GRIA4: variants seen among roughly 807,000 people sequenced by gnomAD.
The protein encoded by GRIA4 is glutamate ionotropic receptor AMPA type subunit 4.
A neutral mutation model predicts 104.0 loss-of-function variants in GRIA4; 34 were observed. That is an observed-to-expected ratio of 0.33 (90% confidence interval 0.25 to 0.44). The LOEUF is 0.44. Ranked by LOEUF, GRIA4 falls within the 20% of genes least tolerant of loss-of-function variation. GRIA4 has a pLI of 1.00. For missense variants in GRIA4, 750 were observed against 1,096.5 expected (o/e 0.68, Z 4.46); for synonymous variants, 386 against 381.9 (o/e 1.01, Z -0.13).
intron 3 of GRIA4, among the ~76,000 whole-genome samples, chr11:105,746,658 T>C (rs967582241): frequency 7.9e-5 from 12 of 152,148 alleles, no homozygotes; most frequent in Admixed American, 3.3e-4. Context: ...CCATAGATTA[T>C]GGATTCTATA....
intron 4 of GRIA4, among the ~76,000 whole-genome samples, chr11:105,807,304 G>A (rs1011919996): frequency 2.0e-5 from 3 of 151,500 alleles, no homozygotes; most frequent in Admixed American, 2.0e-4. Context: ...AATGAAAGAG[G>A]GTAAACAGAT....
At chr11:105,893,930 G>T (rs187030804) in intron 6 of GRIA4, among the ~76,000 whole-genome samples, 9 of 152,158 alleles carry the variant, frequency 5.9e-5, no homozygotes, top group African/African-American at 1.9e-4. Flanking sequence ...AGAAACATAG[G>T]TTTACTTTCT....
intron 14 of GRIA4, among the ~76,000 whole-genome samples, chr11:105,942,666 C>CTAA (rs1007353660): frequency 2.0e-4 from 31 of 152,162 alleles, no homozygotes; most frequent in African/African-American, 7.5e-4. Flanking sequence ...CATAGATTCA[C>CTAA]TCTGAAAACT....
chr11:105,621,721 C>A (rs1378758300), intron 3 of GRIA4, among the ~76,000 whole-genome samples: 1 of 151,668 alleles, frequency 6.6e-6, no homozygotes, highest in Non-Finnish European at 1.5e-5. Flanking sequence ...AAGATCAGTT[C>A]CTGGAGGTAA....
At chr11:105,913,064 C>A in intron 10 of GRIA4, 3 of 865,792 alleles carry the variant, frequency 3.5e-6, no homozygotes, top group Non-Finnish European at 4.2e-6. Flanking sequence ...TGTTGATACA[C>A]TGTAACACTA....
chr11:105,706,042 G>A (rs1440591138), intron 3 of GRIA4, among the ~76,000 whole-genome samples: 2 of 152,154 alleles, frequency 1.3e-5, no homozygotes, highest in Non-Finnish European at 2.9e-5. Flanking sequence ...CATCCACACA[G>A]TGCAGTACTA....
intron 14 of GRIA4, 59 bp downstream of exon 14, chr11:105,934,028 TG>T: frequency 7.4e-7 from 1 of 1,354,002 alleles, no homozygotes; most frequent in African/African-American, 1.4e-5. Flanking sequence ...CCTTCCCTGA[TG>T]TGCCTGAGAG....
rs185919306 is a variant in GRIA4, at chr11:105,618,916, G to A, written c.247+6482G>A. On this transcript the variant is annotated intron_variant, in intron 3 of 16. Coordinates refer to ENST00000282499, the MANE Select transcript of GRIA4 (RefSeq NM_000829.4). The stretch of plus-strand genomic sequence containing the variant: ...GAATTCAGAGGAAAATGAGGCAAGA[G>A]TAATTTCATAGAAGCCAAAAGATAG... 4.5e-3 allele frequency among the ~76,000 whole-genome samples: 678 copies of A among 152,020 alleles called. 4 individuals are homozygous for A. Among genetic ancestry groups the A allele is most frequent in the African/African-American group, 0.015 (642 of 41,490 alleles).
At position 105,684,757 on chromosome 11, in the gene GRIA4, CT is replaced by C. The variant is rs1034310119; in HGVS notation, c.248-68220del. Among the ~76,000 whole-genome samples, 24 of 151,330 alleles carry C rather than the reference CT, an allele frequency of 1.6e-4. No individual in the cohort carries two copies. The South Asian group carries it at 2.1e-3, about 13-fold the overall frequency. On this transcript the variant is annotated intron_variant, in intron 3 of 16. Coordinates refer to ENST00000282499, the MANE Select transcript of GRIA4 (RefSeq NM_000829.4). ...AGGCACTTTGGAAATAAAATTAACT[CT>C]TTTAGAATTGTTAATACTGTTTAAA...
chr11:105,887,665 G>A (rs1173874701), intron 6 of GRIA4, 93 bp downstream of exon 6: 8 of 684,660 alleles, frequency 1.2e-5, no homozygotes, highest in Admixed American at 1.0e-4. Flanking sequence ...AATAAATAGA[G>A]TACATTACTT....
intron 7 of GRIA4, among the ~76,000 whole-genome samples, chr11:105,901,435 T>C (rs1449537136): frequency 6.6e-6 from 1 of 152,160 alleles, no homozygotes; most frequent in African/African-American, 2.4e-5. Context: ...TCTAATCACT[T>C]ATCAGAGCAG....
At chr11:105,976,953 C>T (rs1406498458) in intron 16 of GRIA4, among the ~76,000 whole-genome samples, 1 of 151,936 alleles carries the variant, frequency 6.6e-6, no homozygotes, top group Non-Finnish European at 1.5e-5. Context: ...AAGTAATACA[C>T]TTCATTGCAT....
intron 16 of GRIA4, among the ~76,000 whole-genome samples, chr11:105,975,352 C>G (rs927528298): frequency 1.7e-4 from 24 of 138,642 alleles, no homozygotes; most frequent in African/African-American, 6.1e-4. Context: ...TCATTACAAA[C>G]TATTTTTTTT....
intron 3 of GRIA4, among the ~76,000 whole-genome samples, chr11:105,629,705 A>T (rs973591921): frequency 2.0e-5 from 3 of 152,194 alleles, no homozygotes; most frequent in Non-Finnish European, 4.4e-5. Context: ...TTTTGTTACA[A>T]AATGTTGAAT....
intron 14 of GRIA4, chr11:105,945,456 C>T (rs1948284343): frequency 9.8e-6 from 9 of 921,918 alleles, no homozygotes; most frequent in Non-Finnish European, 1.2e-5. Flanking sequence ...GGGTATTTCT[C>T]CCCTAGGAGG....
intron 3 of GRIA4, among the ~76,000 whole-genome samples, chr11:105,675,098 T>C (rs1952494008): frequency 1.3e-5 from 2 of 151,892 alleles, no homozygotes; most frequent in Admixed American, 6.6e-5. Flanking sequence ...ATTTTCATTA[T>C]AGCTGAGACT....
chr11:105,653,372 C>T (rs936063928), intron 3 of GRIA4, among the ~76,000 whole-genome samples: 2 of 152,202 alleles, frequency 1.3e-5, no homozygotes, highest in South Asian at 2.1e-4. Flanking sequence ...CTGTGACAGT[C>T]GATCTGATAA....
At chr11:105,735,213 T>C (rs1446902170) in intron 3 of GRIA4, among the ~76,000 whole-genome samples, 1 of 151,488 alleles carries the variant, frequency 6.6e-6, no homozygotes, top group African/African-American at 2.4e-5. Context: ...CAGTAAACAT[T>C]ATCAGAAAAA....
intron 14 of GRIA4, among the ~76,000 whole-genome samples, chr11:105,953,220 C>A (rs887318546): frequency 5.9e-5 from 9 of 152,148 alleles, no homozygotes; most frequent in Non-Finnish European, 1.0e-4. Flanking sequence ...ATATTTAGTT[C>A]TTCACTCTTC....
Sources: allele counts gnomAD v4.1 joint callset (sites outside exome capture counted in the v4.1 genomes callset), GRCh38; gene constraint gnomAD v4.1.1; transcripts MANE v1.5; gene names NCBI Gene and HGNC (gene_info 2026-07-23, HGNC 2026-07-21).